IFT122: variants seen among roughly 807,000 people sequenced by gnomAD.
The protein encoded by IFT122 is intraflagellar transport 122, also known as intraflagellar transport protein 122 homolog.
Under a neutral mutation model 161.6 loss-of-function variants are expected in IFT122, and 118 were observed. That is an observed-to-expected ratio of 0.73 (90% CI 0.63 to 0.85). The LOEUF (loss-of-function observed/expected upper bound fraction) is 0.85, where lower values mean the gene tolerates loss of function less well. Ranked by LOEUF, IFT122 falls within the 40% of genes least tolerant of loss-of-function variation. The pLI is 0.00. For synonymous variants in IFT122, 550 were observed against 602.4 expected (o/e 0.91, Z 1.27); for missense variants, 1,381 against 1,579.6 (o/e 0.87, Z 2.13).
At chr3:129,502,657 T>G in intron 19 of IFT122, 54 bp from the exon 20 acceptor site, 1 of 1,590,038 alleles carries the variant, frequency 6.3e-7, no homozygotes, top group Non-Finnish European at 8.5e-7. Context: ...GACATACGGC[T>G]TGCCGTTGAC....
At position 129,492,204 on chromosome 3, in the gene IFT122, G is replaced by A; in HGVS notation, c.2046+10G>A. ...CATCAGCAGCATTGAGGTAAAAGAT[G>A]AAGCATTTTTCCTTCTCAAGAAGGC... is the stretch of plus-strand genomic sequence containing the variant. On this transcript the variant is annotated intron_variant, in intron 17 of 29. Coordinates refer to ENST00000348417, the MANE Select transcript of IFT122 (RefSeq NM_052989.3). 1 of 1,609,172 alleles carries A rather than the reference G, an allele frequency of 6.2e-7. No individual in the cohort carries two copies. The highest frequency in any genetic ancestry group is 1.1e-5 in the South Asian group (1 of 90,978).
intron 4 of IFT122, among the ~76,000 whole-genome samples, chr3:129,459,137 T>A (rs530872444): frequency 5.9e-4 from 90 of 152,326 alleles, no homozygotes; most frequent in African/African-American, 2.1e-3. Context: ...AATGTCAGTT[T>A]CTTTGTAAGG....
rs186564100 is a variant in IFT122, at chr3:129,459,542, C to A, written c.272+865C>A. The A allele has an allele frequency of 1.2e-3, 283 of 232,412 alleles. 2 individuals carry two copies. Among genetic ancestry groups the A allele is most frequent in the African/African-American group, 6.1e-3 (255 of 41,878 alleles). 14.4% of individuals were successfully genotyped at this position (232,412 alleles called of 1,614,324 possible). A position where few individuals can be genotyped will look rare whatever the true frequency, so the allele number is the denominator to read the frequency against. On this transcript the variant is annotated intron_variant, in intron 4 of 29. Coordinates refer to ENST00000348417, the MANE Select transcript of IFT122 (RefSeq NM_052989.3). ...CTGACTACATCTATTTTTTTTTTCT[C>A]ACTCTTGTGTCCCTGATACAATGCC... is the stretch of plus-strand genomic sequence containing the variant.
At chr3:129,502,662 G>A (rs369742941) in intron 19 of IFT122, 49 bp from the exon 20 acceptor site, 29 of 1,596,118 alleles carry the variant, frequency 1.8e-5, no homozygotes, top group African/African-American at 5.3e-5. Context: ...ACGGCTTGCC[G>A]TTGACAAGAC....
chr3:129,476,234 C>A, intron 9 of IFT122, 81 bp from the exon 10 acceptor site: 3 of 1,493,188 alleles, frequency 2.0e-6, no homozygotes, highest in African/African-American at 1.4e-5. Flanking sequence ...CTAAAGTTGG[C>A]GAGAAAAAGC....
intron 25 of IFT122, 112 bp from the exon 26 acceptor site, chr3:129,515,376 C>A: frequency 3.5e-6 from 3 of 864,534 alleles, no homozygotes; most frequent in Non-Finnish European, 5.7e-6. Flanking sequence ...GCCTGCCCAC[C>A]CGGGTGGCCT....
intron 21 of IFT122, 89 bp from the exon 22 acceptor site, chr3:129,506,320 C>G: frequency 6.7e-7 from 1 of 1,487,612 alleles, no homozygotes; most frequent in Non-Finnish European, 9.3e-7. Flanking sequence ...CCAAAGCAGC[C>G]CTGTGCAAGC....
At chr3:129,450,293 GA>G (rs1000142536) in intron 2 of IFT122, among the ~76,000 whole-genome samples, 2 of 152,186 alleles carry the variant, frequency 1.3e-5, no homozygotes, top group African/African-American at 4.8e-5. Flanking sequence ...CTGTGTCCAT[GA>G]AAAGTCAGAT....
Position 129,486,813 on chromosome 3 carries a change from G to A in IFT122, c.1852-1444G>A, listed in dbSNP as rs535133689. 7.2e-5 allele frequency among the ~76,000 whole-genome samples: 11 copies of A among 152,314 alleles called. No individual in the cohort carries two copies. In the South Asian group the frequency reaches 2.3e-3, roughly 32 times the overall value. ...CTGAGCTGGGCAGGACATCTAAACA[G>A]AAGTTAATGGATTTACCCAAAAAGT... On this transcript the variant is annotated intron_variant, in intron 15 of 29. Transcript: ENST00000348417.
intron 19 of IFT122, among the ~76,000 whole-genome samples, chr3:129,501,093 G>C (rs987664218): frequency 6.6e-6 from 1 of 152,096 alleles, no homozygotes; most frequent in African/African-American, 2.4e-5. Context: ...AGGGGGTTGG[G>C]GTGGGGCAGC....
In IFT122 at chr3:129,461,280, G is replaced by A. The variant is rs2076188529; in HGVS notation, c.325G>A (p.Ala109Thr). The change falls in exon 5 of 30, where the codon GCA becomes ACA. Residue 109 changes from alanine to threonine, a missense_variant. Around this residue, in one of 7 missense-constraint regions of IFT122, gnomAD observed 134 missense variants for 137.4 expected, o/e 0.98. Coordinates refer to ENST00000348417, the MANE Select transcript of IFT122 (RefSeq NM_052989.3). ...CTACAATCCTATTACTCATCAACTG[G>A]CATCTTGTTCCTCCAGTGACTTTGG... The part of the protein sequence containing the change: ...VSYNPITHQL[A>T]SCSSSDFGLW... The A allele has an allele frequency of 6.2e-7, 1 of 1,613,430 alleles. No individual in the cohort carries two copies.
intron 29 of IFT122, 143 bp downstream of exon 29, chr3:129,519,875 C>T (rs983053057): frequency 9.9e-6 from 10 of 1,009,714 alleles, no homozygotes; most frequent in Non-Finnish European, 1.5e-5. Flanking sequence ...TGTCCTCTCC[C>T]CTGCTTGCAT....
At chr3:129,476,945 C>CTTT (rs952499116) in intron 11 of IFT122, 144 bp downstream of exon 11, 57 of 643,216 alleles carry the variant, frequency 8.9e-5, no homozygotes, top group East Asian at 1.8e-4. Flanking sequence ...GTCTTGTTTT[C>CTTT]TTTTTTTTTT....
intron 4 of IFT122, chr3:129,459,266 AC>A (rs2075883929): frequency 4.4e-6 from 2 of 452,944 alleles, no homozygotes; most frequent in South Asian, 3.1e-5. Flanking sequence ...TTCCATAAGA[AC>A]AGATACTGCA....
intron 23 of IFT122, among the ~76,000 whole-genome samples, chr3:129,508,610 A>G (rs1344575885): frequency 6.6e-6 from 1 of 152,176 alleles, no homozygotes; most frequent in Non-Finnish European, 1.5e-5. Flanking sequence ...AATAGGAACC[A>G]TTATGATCAA....
At position 129,507,741 on chromosome 3, in the gene IFT122, C is replaced by T; in HGVS notation, c.2865C>T (p.Tyr955=). The T allele has an allele frequency of 6.2e-7, 1 of 1,614,004 alleles. No homozygotes were observed. Among genetic ancestry groups the T allele is most frequent in the Admixed American group, 1.7e-5 (1 of 60,018 alleles). The change falls in exon 23 of 30, where the codon TAC becomes TAT. Residue 955 remains tyrosine (Y), a synonymous_variant. Transcript: ENST00000348417. ...FQRLAELYHG[Y]HAIHRHTEDP... is the part of the protein sequence containing the mutation. Reference sequence around the variant, plus strand: ...GTTTGGCAGAGCTGTACCATGGTTACCATGCCATCCATCGCCACACGGTAA... The same window carrying T: ...GTTTGGCAGAGCTGTACCATGGTTATCATGCCATCCATCGCCACACGGTAA...
Position 129,485,265 on chromosome 3 carries a change from G to A in IFT122, c.1851+1583G>A, listed in dbSNP as rs1168920083. The stretch of plus-strand genomic sequence containing the variant: ...TGAAAGACTTTTAGGGAAATTTCCA[G>A]GTTTCCCTTCCGCTAGGCTCTGTCA... On this transcript the variant is annotated intron_variant, in intron 15 of 29. Coordinates refer to ENST00000348417, the MANE Select transcript of IFT122 (RefSeq NM_052989.3). 8.5e-5 allele frequency among the ~76,000 whole-genome samples: 13 copies of A among 152,322 alleles called. No individual in the cohort carries two copies. The East Asian group carries it at 2.5e-3, about 29-fold the overall frequency.
chr3:129,484,642 TC>T (rs2079068178), intron 15 of IFT122, among the ~76,000 whole-genome samples: 1 of 152,178 alleles, frequency 6.6e-6, no homozygotes, highest in Admixed American at 6.5e-5. Flanking sequence ...GGCTATCTTC[TC>T]ATTTCACCTC....
At chr3:129,488,182 A>G in intron 15 of IFT122, 75 bp from the exon 16 acceptor site, 1 of 1,611,216 alleles carries the variant, frequency 6.2e-7, no homozygotes, top group Non-Finnish European at 8.5e-7. Flanking sequence ...ATCTGGAGGC[A>G]GGCTCTGTAT....
Sources: allele counts gnomAD v4.1 joint callset (sites outside exome capture counted in the v4.1 genomes callset), GRCh38; gene constraint gnomAD v4.1.1; regional missense constraint gnomAD v4.1.1; transcripts MANE v1.5; gene names NCBI Gene and HGNC (gene_info 2026-07-23, HGNC 2026-07-21).